Variants in MEIOB observed in about 807,000 individuals in gnomAD.
The protein encoded by MEIOB is meiosis-specific with OB domain-containing protein.
Under a neutral mutation model 53.1 loss-of-function variants are expected in MEIOB, and 50 were observed. The observed-to-expected ratio is 0.94, with a 90% confidence interval of 0.75 to 1.19. The LOEUF is 1.19. MEIOB is among the 50% of genes most tolerant of loss of function. MEIOB has a pLI of 0.00. For synonymous variants in MEIOB, 192 were observed against 182.5 expected (o/e 1.05, Z -0.42); for missense variants, 551 against 550.8 (o/e 1.00, Z 0.00).
intron 3 of MEIOB, among the ~76,000 whole-genome samples, chr16:1,864,537 G>T (rs1221780398): frequency 1.4e-5 from 2 of 147,534 alleles, no homozygotes; most frequent in Admixed American, 6.8e-5. Flanking sequence ...TGCCCAGGCT[G>T]GAGTGCAATG....
intron 10 of MEIOB, among the ~76,000 whole-genome samples, chr16:1,844,464 G>C (rs1416309507): frequency 3.3e-5 from 5 of 151,212 alleles, no homozygotes; most frequent in Non-Finnish European, 7.4e-5. Context: ...TTTATTTTTT[G>C]AGATACAGTC....
At chr16:1,869,120 T>C (rs975133738) in intron 1 of MEIOB, among the ~76,000 whole-genome samples, 5 of 152,022 alleles carry the variant, frequency 3.3e-5, no homozygotes, top group African/African-American at 1.2e-4. Context: ...TTTAATTTTG[T>C]TTTAACTTTT....
chr16:1,841,959 C>A lies in MEIOB; in HGVS notation c.895G>T (p.Asp299Tyr), dbSNP rs763484139. The A allele has an allele frequency of 6.3e-7, 1 of 1,591,214 alleles. No individual in the cohort carries two copies. Among genetic ancestry groups the A allele is most frequent in the Non-Finnish European group, 8.5e-7 (1 of 1,170,070 alleles). ...TTTAATTGTTCAACTGTGTAGACAT[C>A]AACTATTGTACTTACTAAAAACAGA... is the stretch of plus-strand genomic sequence containing the variant. Reference protein sequence around the residue: ...KESINLSTIVDVYTVEQLKGK... With the variant: ...KESINLSTIVYVYTVEQLKGK... Residue 299 changes from aspartate to tyrosine, a missense_variant, in exon 11 of 14, where the codon GAT (aspartate) becomes TAT (tyrosine). Physicochemically the swap from Asp to Tyr is radical, Grantham distance 160. Coordinates refer to ENST00000325962, the MANE Select transcript of MEIOB (RefSeq NM_001163560.3).
At chr16:1,840,910 T>C (rs565141261) in intron 11 of MEIOB, 2 of 152,060 alleles carry the variant, frequency 1.3e-5, no homozygotes, top group East Asian at 3.9e-4. Flanking sequence ...AATTCAGTTA[T>C]AAAAATCCAT....
At chr16:1,844,284 G>A (rs904600050) in intron 10 of MEIOB, among the ~76,000 whole-genome samples, 2 of 151,472 alleles carry the variant, frequency 1.3e-5, no homozygotes, top group Non-Finnish European at 2.9e-5. Flanking sequence ...TACCATGCCT[G>A]GCTCATTTTT....
intron 11 of MEIOB, among the ~76,000 whole-genome samples, chr16:1,841,413 C>T (rs1898908246): frequency 6.6e-6 from 1 of 152,158 alleles, no homozygotes; most frequent in Non-Finnish European, 1.5e-5. Flanking sequence ...CTCCTGGGCT[C>T]AACCGATCCT....
At chr16:1,867,045 C>G (rs1026011139) in intron 2 of MEIOB, among the ~76,000 whole-genome samples, 11 of 151,988 alleles carry the variant, frequency 7.2e-5, no homozygotes, top group African/African-American at 2.7e-4. Flanking sequence ...AATAGTTTAC[C>G]TTTCAAGAAA....
chr16:1,843,032 C>T (rs775914490), intron 10 of MEIOB, among the ~76,000 whole-genome samples: 16 of 150,660 alleles, frequency 1.1e-4, no homozygotes, highest in Non-Finnish European at 2.4e-4. Flanking sequence ...CAGTGGCTCA[C>T]GCCTGTAATC....
At chr16:1,856,264 T>C (rs1899300665) in intron 6 of MEIOB, among the ~76,000 whole-genome samples, 1 of 151,370 alleles carries the variant, frequency 6.6e-6, no homozygotes, top group Non-Finnish European at 1.5e-5. Context: ...CAAGTGATTC[T>C]CCTGACTCAG....
chr16:1,864,376 CA>C (rs1260832273), intron 3 of MEIOB, among the ~76,000 whole-genome samples: 1 of 151,472 alleles, frequency 6.6e-6, no homozygotes, highest in Non-Finnish European at 1.5e-5. Flanking sequence ...ATACTTCTTC[CA>C]AAAAAGGAAT....
chr16:1,836,070 G>A (rs1410587696), intron 13 of MEIOB, among the ~76,000 whole-genome samples: 2 of 152,022 alleles, frequency 1.3e-5, no homozygotes, highest in African/African-American at 4.8e-5. Context: ...ATCTTGGACA[G>A]GCTGGTCATG....
chr16:1,844,770 G>A (rs1438745266), intron 10 of MEIOB, 92 bp downstream of exon 10: 2 of 634,000 alleles, frequency 3.2e-6, no homozygotes, highest in Admixed American at 3.0e-5. Context: ...TTACAGAATA[G>A]GAATCTGGTA....
At chr16:1,834,526 G>A (rs1898687444) in intron 13 of MEIOB, among the ~76,000 whole-genome samples, 160 bp from the exon 14 acceptor site, 1 of 152,246 alleles carries the variant, frequency 6.6e-6, no homozygotes, top group East Asian at 1.9e-4. Context: ...GATGGGAAGA[G>A]TTCCAGTCTC....
intron 2 of MEIOB, among the ~76,000 whole-genome samples, chr16:1,866,143 T>C (rs1014993070): frequency 1.3e-5 from 2 of 152,248 alleles, no homozygotes; most frequent in Non-Finnish European, 2.9e-5. Flanking sequence ...CAATCCTTAC[T>C]GAATTCATCC....
chr16:1,850,267 T>A (rs958111102), intron 9 of MEIOB, among the ~76,000 whole-genome samples: 3 of 152,188 alleles, frequency 2.0e-5, no homozygotes, highest in Non-Finnish European at 4.4e-5. Flanking sequence ...GATTTTACTA[T>A]CACTGGTATT....
intron 3 of MEIOB, among the ~76,000 whole-genome samples, chr16:1,865,387 G>A (rs7188146): frequency 0.83 from 124,450 of 150,790 alleles, 51,495 homozygotes; most frequent in Middle Eastern, 0.9. Flanking sequence ...AGTCGAGATC[G>A]TGCCATTGCA....
At chr16:1,849,273 CT>C (rs1899099908) in intron 9 of MEIOB, among the ~76,000 whole-genome samples, 1 of 151,520 alleles carries the variant, frequency 6.6e-6, no homozygotes, top group Non-Finnish European at 1.5e-5. Flanking sequence ...ACAAAAAAGG[CT>C]GGGCGCGGTG....
At chr16:1,861,535 CTTTTTTTT>C (rs59561016) in intron 4 of MEIOB, among the ~76,000 whole-genome samples, 1 of 89,106 alleles carries the variant, frequency 1.1e-5, no homozygotes, top group African/African-American at 4.6e-5. Flanking sequence ...GCATTGCAGT[CTTTTTTTT>C]TTTTTTTTTT....
At chr16:1,835,021 A>G (rs1234159943) in intron 13 of MEIOB, among the ~76,000 whole-genome samples, 1 of 147,808 alleles carries the variant, frequency 6.8e-6, no homozygotes, top group African/African-American at 2.5e-5. Context: ...TTGGGAGGCC[A>G]AGGCAGGTAG....
Sources: allele counts gnomAD v4.1 joint callset (sites outside exome capture counted in the v4.1 genomes callset), GRCh38; gene constraint gnomAD v4.1.1; transcripts MANE v1.5; gene names NCBI Gene and HGNC (gene_info 2026-07-23, HGNC 2026-07-21).